Variants in XPO5 observed in about 807,000 individuals in gnomAD.
The protein encoded by XPO5 is exportin 5.
In XPO5, 46 loss-of-function variants were observed where a neutral mutation model predicts 160.6. That is an observed-to-expected ratio of 0.29 (90% confidence interval 0.23 to 0.37). XPO5 has a LOEUF of 0.37. Ranked by LOEUF, XPO5 falls within the 10% of genes least tolerant of loss-of-function variation. The pLI is 1.00. For synonymous variants in XPO5, 537 were observed against 519.3 expected (o/e 1.03, Z -0.46); for missense variants, 1,090 against 1,463.9 (o/e 0.74, Z 4.17).
intron 24 of XPO5, 46 bp from the exon 25 acceptor site, chr6:43,528,251 T>C (rs994055392): frequency 1.3e-6 from 2 of 1,541,018 alleles, no homozygotes; most frequent in Non-Finnish European, 8.8e-7. Flanking sequence ...GGGAAAGGAT[T>C]GGAACACATA....
chr6:43,575,191 CA>C (rs1763237353), intron 1 of XPO5, among the ~76,000 whole-genome samples: 1 of 152,154 alleles, frequency 6.6e-6, no homozygotes, highest in Admixed American at 6.5e-5. Context: ...ATATTACACT[CA>C]AAAACATGGG....
At chr6:43,549,773 A>G (rs1795140549) in intron 16 of XPO5, 120 bp downstream of exon 16, 2 of 1,226,208 alleles carry the variant, frequency 1.6e-6, no homozygotes, top group South Asian at 2.8e-5. Context: ...AACAACATAT[A>G]TGATAATCTA....
At chr6:43,541,744 T>C (rs1794702030) in intron 20 of XPO5, among the ~76,000 whole-genome samples, 2 of 152,226 alleles carry the variant, frequency 1.3e-5, no homozygotes, top group African/African-American at 4.8e-5. Flanking sequence ...TAATTATCAG[T>C]ACTTCATTTT....
chr6:43,534,070 G>T, intron 20 of XPO5, 63 bp from the exon 21 acceptor site: 4 of 1,329,262 alleles, frequency 3.0e-6, no homozygotes, highest in Non-Finnish European at 4.2e-6. Flanking sequence ...AGTGGGTTTT[G>T]CTTGTAATCC....
chr6:43,554,260 C>G (rs1761894623), intron 13 of XPO5, among the ~76,000 whole-genome samples: 1 of 151,946 alleles, frequency 6.6e-6, no homozygotes, highest in Admixed American at 6.6e-5. Context: ...CACCTGCCAC[C>G]ATGCCCGGCT....
At chr6:43,541,388 G>C (rs866523381) in intron 20 of XPO5, among the ~76,000 whole-genome samples, 3 of 152,294 alleles carry the variant, frequency 2.0e-5, no homozygotes, top group Non-Finnish European at 4.4e-5. Flanking sequence ...ATAAATATAT[G>C]TATGTACTGT....
chr6:43,570,514 C>G lies in XPO5; in HGVS notation c.609G>C (p.Lys203Asn), dbSNP rs1269098465. 25 of 1,612,964 alleles carry G rather than the reference C, an allele frequency of 1.5e-5. No homozygotes were observed. Among genetic ancestry groups the G allele is most frequent in the Non-Finnish European group, 2.1e-5 (25 of 1,179,528 alleles). Residue 203 changes from lysine (K) to asparagine (N), a missense_variant, in exon 5 of 32, where the codon AAG becomes AAC. Physicochemically the swap from Lys to Asn is moderately conservative, Grantham distance 94 (BLOSUM62 0). Coordinates refer to ENST00000265351, the MANE Select transcript of XPO5 (RefSeq NM_020750.3). Reference sequence around the variant, plus strand: ...GGGTATCCCTTACCACTTGCTGATACTTGTTTACATTTTCTTGAAGTGTGT... The same window carrying G: ...GGGTATCCCTTACCACTTGCTGATAGTTGTTTACATTTTCTTGAAGTGTGT... ...LLNTLQENVN[K>N]YQQVKTDTSQ...
At chr6:43,529,075 C>A (rs1454866194) in intron 23 of XPO5, 150 bp from the exon 24 acceptor site, 1 of 1,108,258 alleles carries the variant, frequency 9.0e-7, no homozygotes, top group Non-Finnish European at 1.3e-6. Flanking sequence ...TCTTAAAGTT[C>A]TTTTCCTAAA....
At chr6:43,531,996 C>T (rs1794018876) in intron 21 of XPO5, among the ~76,000 whole-genome samples, 1 of 152,114 alleles carries the variant, frequency 6.6e-6, no homozygotes, top group Non-Finnish European at 1.5e-5. Flanking sequence ...CTTAAAATAT[C>T]TATATTTTTA....
At chr6:43,563,106 T>G (rs1011472292) in intron 8 of XPO5, among the ~76,000 whole-genome samples, 1 of 152,124 alleles carries the variant, frequency 6.6e-6, no homozygotes, top group Non-Finnish European at 1.5e-5. Flanking sequence ...AAGAAACATG[T>G]TATCAAGAAA....
At chr6:43,549,966 G>A (rs918765972) in intron 15 of XPO5, 32 bp from the exon 16 acceptor site, 1 of 1,604,998 alleles carries the variant, frequency 6.2e-7, no homozygotes, top group Non-Finnish European at 8.5e-7. Flanking sequence ...GGTCACTCAT[G>A]TTTATTTGTT....
intron 20 of XPO5, among the ~76,000 whole-genome samples, chr6:43,541,021 TCTCA>T (rs1038184421): frequency 2.6e-5 from 4 of 152,186 alleles, no homozygotes; most frequent in African/African-American, 9.7e-5. Flanking sequence ...CATCACATGT[TCTCA>T]CTCTTTGTGG....
chr6:43,560,887 A>G (rs1436451502), intron 10 of XPO5, 37 bp downstream of exon 10: 2 of 1,530,222 alleles, frequency 1.3e-6, no homozygotes, highest in Admixed American at 3.3e-5. Flanking sequence ...TGGTTCACCT[A>G]ACTAAACTTT....
intron 10 of XPO5, among the ~76,000 whole-genome samples, 184 bp downstream of exon 10, chr6:43,560,740 A>T (rs1438263923): frequency 6.6e-6 from 1 of 152,214 alleles, no homozygotes; most frequent in African/African-American, 2.4e-5. Context: ...GCTGACCTAG[A>T]CAAGTGCACT....
rs1379940453 is a variant in XPO5, at chr6:43,528,147, G to A, written c.2822+12C>T. ...GTTCATCCACCAAGAAGAGTGGGTAGGTATCCCTTACCACAGCAGGCTCCT... is the reference window on the plus strand; with the variant it reads ...GTTCATCCACCAAGAAGAGTGGGTAAGTATCCCTTACCACAGCAGGCTCCT... On this transcript the variant is annotated intron_variant, in intron 25 of 31. Coordinates refer to ENST00000265351, the MANE Select transcript of XPO5 (RefSeq NM_020750.3). 1.3e-6 allele frequency: 2 copies of A among 1,587,230 alleles called. No individual in the cohort carries two copies. Among genetic ancestry groups the A allele is most frequent in the Admixed American group, 1.8e-5 (1 of 55,914 alleles).
intron 10 of XPO5, 53 bp downstream of exon 10, chr6:43,560,871 T>G (rs1324885303): frequency 7.2e-7 from 1 of 1,389,110 alleles, no homozygotes; most frequent in East Asian, 2.3e-5. Context: ...ACACAGTGCT[T>G]GACATTGGTT....
At position 43,528,892 on chromosome 6, in the gene XPO5, G is replaced by A. The variant is rs778502782; in HGVS notation, c.2711C>T (p.Pro904Leu). Reference sequence around the variant, plus strand: ...TACCAGGGCTTCATAGTGCTCTGGGGGACAGAAGAGCACCAGAGGCTTTAC... The same window carrying A: ...TACCAGGGCTTCATAGTGCTCTGGGAGACAGAAGAGCACCAGAGGCTTTAC... The part of the protein sequence containing the change: ...VFVKPLVLFC[P>L]PEHYEALVSP... Residue 904 changes from proline to leucine, a missense_variant, in exon 24 of 32, where the codon CCC becomes CTC. Around this residue, in one of 3 missense-constraint regions of XPO5, gnomAD observed 810 missense variants for 1,139.0 expected, o/e 0.71. Coordinates refer to ENST00000265351, the MANE Select transcript of XPO5 (RefSeq NM_020750.3). The A allele has an allele frequency of 1.2e-6, 2 of 1,613,740 alleles. No homozygotes were observed. Among genetic ancestry groups the A allele is most frequent in the South Asian group, 2.2e-5 (2 of 91,028 alleles).
At chr6:43,572,360 AG>A in intron 3 of XPO5, 145 bp downstream of exon 3, 2 of 738,340 alleles carry the variant, frequency 2.7e-6, no homozygotes, top group Non-Finnish European at 4.5e-6. Flanking sequence ...TACAGGTGTG[AG>A]TCACTGTGCC....
At chr6:43,527,406 G>A in intron 26 of XPO5, 1 of 377,674 alleles carries the variant, frequency 2.6e-6, no homozygotes, top group Non-Finnish European at 4.9e-6. Flanking sequence ...TGAGTAGCTG[G>A]GACTACAGGC....
Sources: gnomAD v4.1 joint callset for allele counts (sites outside exome capture counted in the v4.1 genomes callset) on GRCh38, gnomAD v4.1.1 for gene constraint, gnomAD v4.1.1 regional missense constraint, MANE v1.5 for transcripts, NCBI Gene and HGNC (gene_info 2026-07-23, HGNC 2026-07-21) for gene names.